Variants in CD1E observed in about 807,000 individuals in gnomAD.
The protein encoded by CD1E is CD1e molecule, also known as T-cell surface glycoprotein CD1e, membrane-associated.
Under a neutral mutation model 40.1 loss-of-function variants are expected in CD1E, and 49 were observed. The ratio of observed to expected loss-of-function variants is 1.22; its 90% CI spans 0.97 to 1.55. The LOEUF (loss-of-function observed/expected upper bound fraction) is 1.55, where lower values mean the gene tolerates loss of function less well. Ranked by LOEUF, CD1E falls within the 40% of genes most tolerant of loss-of-function variation. CD1E has a pLI of 0.00. For synonymous variants in CD1E, 189 were observed against 178.3 expected, an observed-to-expected ratio of 1.06 and a Z score of -0.48; for missense variants, 492 against 471.3, an observed-to-expected ratio of 1.04 and a Z score of -0.41.
In CD1E at chr1:158,356,965, G is replaced by A; in HGVS notation, c.*69G>A. The A allele has an allele frequency of 7.7e-7, 1 of 1,297,364 alleles. No individual in the cohort carries two copies. The highest frequency in any genetic ancestry group is 1.1e-6 in the Non-Finnish European group (1 of 900,038). 80.4% of individuals were successfully genotyped at this position (1,297,364 alleles called of 1,614,324 possible). A position where few individuals can be genotyped will look rare whatever the true frequency, so the allele number is the denominator to read the frequency against. On this transcript the variant is annotated 3_prime_UTR_variant, in exon 6 of 6. Coordinates refer to ENST00000368167, the MANE Select transcript of CD1E (RefSeq NM_030893.4). The stretch of plus-strand genomic sequence containing the variant: ...TAAACACCGTCCATGTCCCATAAGG[G>A]AAGCATGCTTTTATTTAAACAGTTT...
intron 4 of CD1E, 46 bp from the exon 5 acceptor site, chr1:158,356,452 G>T (rs748908282): frequency 4.4e-5 from 63 of 1,417,244 alleles, no homozygotes; most frequent in Non-Finnish European, 6.1e-5. Context: ...CAGCTTGGTG[G>T]AATAGAGTAT....
intron 3 of CD1E, 120 bp downstream of exon 3, chr1:158,355,689 T>G: frequency 1.4e-6 from 2 of 1,423,914 alleles, no homozygotes; most frequent in Non-Finnish European, 1.9e-6. Flanking sequence ...ATGTGTGGGT[T>G]CAGGACTGTT....
At chr1:158,354,785 C>A in intron 2 of CD1E, 112 bp downstream of exon 2, 2 of 900,160 alleles carry the variant, frequency 2.2e-6, no homozygotes, top group Non-Finnish European at 3.4e-6. Context: ...CCTTGTTCCC[C>A]ACTCTCTGAC....
chr1:158,354,081 A>G (rs770954870), intron 1 of CD1E, 35 bp downstream of exon 1: 1 of 1,552,918 alleles, frequency 6.4e-7, no homozygotes, highest in Non-Finnish European at 8.9e-7. Context: ...TACCTATGGT[A>G]GGGCACCAGA....
At position 158,355,989 on chromosome 1, in the gene CD1E, C is replaced by T. The variant is rs1427325807; in HGVS notation, c.788C>T (p.Ala263Val). The change falls in exon 4 of 6, where the codon GCT (alanine) becomes GTT (valine). Residue 263 changes from alanine (A) to valine (V), a missense_variant. Coordinates refer to ENST00000368167, the MANE Select transcript of CD1E (RefSeq NM_030893.4). ...CAGCGAGGGGACGTCCTGCCTAATG[C>T]TGACGAGACATGGTATCTCCGAGCA... is the stretch of plus-strand genomic sequence containing the variant. ...GTQRGDVLPN[A>V]DETWYLRATL... 2 of 1,614,148 alleles carry T rather than the reference C, an allele frequency of 1.2e-6. No homozygotes were observed. The highest frequency in any genetic ancestry group is 1.1e-5 in the South Asian group (1 of 91,084).
In CD1E at chr1:158,355,407, T is replaced by C. The variant is rs932287025; in HGVS notation, c.463T>C (p.Trp155Arg). 5.6e-6 allele frequency: 9 copies of C among 1,614,176 alleles called. No individual in the cohort carries two copies. The highest frequency in any genetic ancestry group is 6.8e-6 in the Non-Finnish European group (8 of 1,180,024). ...SDFLSFQGIS[W>R]EPSPGAGIRA... ...TTTCCTGAGTTTCCAAGGAATTTCC[T>C]GGGAGCCATCTCCAGGAGCAGGGAT... is the stretch of plus-strand genomic sequence containing the variant. The change falls in exon 3 of 6, where the codon TGG becomes CGG. Residue 155 changes from tryptophan to arginine, a missense_variant. Physicochemically the swap from Trp to Arg is moderately radical, Grantham distance 101 (BLOSUM62 -3). Transcript: ENST00000368167.
At chr1:158,355,151 A>G (rs36041664) in intron 2 of CD1E, 149 bp from the exon 3 acceptor site, 127 of 616,268 alleles carry the variant, frequency 2.1e-4, no homozygotes, top group Non-Finnish European at 2.9e-4. Context: ...TCTTCCCACA[A>G]ATTTTCTTCC....
chr1:158,355,948 G>A lies in CD1E; in HGVS notation c.747G>A (p.Gln249=), dbSNP rs150649106. 3.1e-6 allele frequency: 5 copies of A among 1,614,158 alleles called. No homozygotes were observed. The highest frequency in any genetic ancestry group is 4.2e-6 in the Non-Finnish European group (5 of 1,180,046). ...GGGTGATGTGGATGCGGGGTGAGCAGGAGCAGCGGGGCACTCAGCGAGGGG... is the reference window on the plus strand; with the variant it reads ...GGGTGATGTGGATGCGGGGTGAGCAAGAGCAGCGGGGCACTCAGCGAGGGG... ...PVWVMWMRGE[Q]EQRGTQRGDV... Residue 249 remains glutamine, a synonymous_variant, in exon 4 of 6, where the codon CAG becomes CAA. Coordinates refer to ENST00000368167, the MANE Select transcript of CD1E (RefSeq NM_030893.4).
At position 158,354,525 on chromosome 1, in the gene CD1E, T is replaced by G; in HGVS notation, c.207T>G (p.Thr69=). 1 of 1,614,154 alleles carries G rather than the reference T, an allele frequency of 6.2e-7. No individual in the cohort carries two copies. Among genetic ancestry groups the G allele is most frequent in the Non-Finnish European group, 8.5e-7 (1 of 1,180,036 alleles). ...ACCTGCAGACTCATGGCTGGGACACTGTCTTGGGCACCATCCGCTTTCTGA... is the reference window on the plus strand; with the variant it reads ...ACCTGCAGACTCATGGCTGGGACACGGTCTTGGGCACCATCCGCTTTCTGA... ...LGDLQTHGWD[T]VLGTIRFLKP... is the part of the protein sequence containing the mutation. Residue 69 remains threonine, a synonymous_variant, in exon 2 of 6, where the codon ACT becomes ACG. Transcript: ENST00000368167.
In CD1E at chr1:158,354,133, C is replaced by A. The variant is rs1653311904; in HGVS notation, c.58+87C>A. On this transcript the variant is annotated intron_variant, in intron 1 of 5. Coordinates refer to ENST00000368167, the MANE Select transcript of CD1E (RefSeq NM_030893.4). ...CTGGGGAGGTCCTGGGGGAAGGGAG[C>A]AGTACTCTTCTAGGATGCCCTTGGA... 4.3e-6 allele frequency: 5 copies of A among 1,169,808 alleles called. No homozygotes were observed. The Admixed American group carries it at 5.2e-5, about 12-fold the overall frequency. 72.5% of individuals were successfully genotyped at this position (1,169,808 alleles called of 1,614,324 possible).
At chr1:158,354,251 G>A (rs1653327837) in intron 1 of CD1E, 126 bp from the exon 2 acceptor site, 1 of 1,007,944 alleles carries the variant, frequency 9.9e-7, no homozygotes. Flanking sequence ...GGCCCCACAG[G>A]AAAAGGGTAT....
rs778192869 is a variant in CD1E at position 158,354,681 on chromosome 1, C to T, written c.355+8C>T. 27 of 1,607,156 alleles carry T rather than the reference C, an allele frequency of 1.7e-5. No homozygotes were observed. The highest frequency in any genetic ancestry group is 8.0e-5 in the African/African-American group (6 of 74,746). On this transcript the variant is annotated splice_region_variant and intron_variant, in intron 2 of 5. Transcript: ENST00000368167. ...GTCAATTTCAGCTTGAATGTAAGTTCGTTGCTCTAAGCTGATAATTTGCCT... is the reference window on the plus strand; with the variant it reads ...GTCAATTTCAGCTTGAATGTAAGTTTGTTGCTCTAAGCTGATAATTTGCCT...
chr1:158,356,066 C>T lies in CD1E; in HGVS notation c.865C>T (p.His289Tyr). 1.2e-6 allele frequency: 2 copies of T among 1,613,832 alleles called. No homozygotes were observed. Among genetic ancestry groups the T allele is most frequent in the South Asian group, 1.1e-5 (1 of 91,050 alleles). Reference sequence around the variant, plus strand: ...AGCTGGCCTGTCCTGTCGGGTGAAACACAGCAGTCTAGGGGGCCATGATCT... The same window carrying T: ...AGCTGGCCTGTCCTGTCGGGTGAAATACAGCAGTCTAGGGGGCCATGATCT... ...EAAGLSCRVK[H>Y]SSLGGHDLII... is the part of the protein sequence containing the mutation. The change falls in exon 4 of 6, where the codon CAC becomes TAC. Residue 289 changes from histidine (H) to tyrosine (Y), a missense_variant. Transcript: ENST00000368167.
rs1311524610 is a variant in CD1E, at chr1:158,354,674, G to A, written c.355+1G>A. On this transcript the variant is annotated splice_donor_variant, in intron 2 of 5. Transcript: ENST00000368167. LOFTEE classifies it high-confidence loss of function. ...TCTGCTGGTCAATTTCAGCTTGAAT[G>A]TAAGTTCGTTGCTCTAAGCTGATAA... 3 of 1,609,900 alleles carry A rather than the reference G, an allele frequency of 1.9e-6. No homozygotes were observed. The highest frequency in any genetic ancestry group is 2.2e-5 in the South Asian group (2 of 90,428).
chr1:158,356,876 C>T lies in CD1E; in HGVS notation c.1147C>T (p.Arg383Cys), dbSNP rs764381194. The T allele has an allele frequency of 6.3e-5, 102 of 1,613,792 alleles. No homozygotes were observed. Among genetic ancestry groups the T allele is most frequent in the East Asian group, 2.0e-4 (9 of 44,874 alleles). The change falls in exon 6 of 6, where the codon CGC becomes TGC. Residue 383 changes from arginine to cysteine, a missense_variant. Coordinates refer to ENST00000368167, the MANE Select transcript of CD1E (RefSeq NM_030893.4). ...CAGAGTATTGAAGAAGTGGAAGACACGCCTAAACCAACTCTGGTGACATTT... is the reference window on the plus strand; with the variant it reads ...CAGAGTATTGAAGAAGTGGAAGACATGCCTAAACCAACTCTGGTGACATTT... ...KNRVLKKWKT[R>C]LNQLW
chr1:158,356,660 T>TG, intron 5 of CD1E, 68 bp from the exon 6 acceptor site: 2 of 1,567,270 alleles, frequency 1.3e-6, no homozygotes, highest in Non-Finnish European at 1.7e-6. Flanking sequence ...CTATCTTCTT[T>TG]TTTTTTTTCT....
chr1:158,354,519 G>A lies in CD1E; in HGVS notation c.201G>A (p.Trp67Ter), dbSNP rs769217104. 1.9e-6 allele frequency: 3 copies of A among 1,614,062 alleles called. No individual in the cohort carries two copies. The highest frequency in any genetic ancestry group is 2.5e-6 in the Non-Finnish European group (3 of 1,180,034). ...TGGGTGACCTGCAGACTCATGGCTGGGACACTGTCTTGGGCACCATCCGCT... is the reference window on the plus strand; with the variant it reads ...TGGGTGACCTGCAGACTCATGGCTGAGACACTGTCTTGGGCACCATCCGCT... ...GWLGDLQTHG[W>*]DTVLGTIRFL... is the part of the protein sequence containing the mutation. The change falls in exon 2 of 6, where the codon TGG becomes TGA. Residue 67 changes from tryptophan to a stop codon, truncating the protein, a stop_gained. Transcript: ENST00000368167. LOFTEE classifies it high-confidence loss of function.
At chr1:158,356,191 G>A (rs1172304994) in intron 4 of CD1E, 86 bp downstream of exon 4, 1 of 1,478,296 alleles carries the variant, frequency 6.8e-7, no homozygotes, top group Non-Finnish European at 9.3e-7. Flanking sequence ...GGGTAGGAAT[G>A]CTAGGTACAA....
At chr1:158,356,216 G>A in intron 4 of CD1E, 111 bp downstream of exon 4, 1 of 1,264,590 alleles carries the variant, frequency 7.9e-7, no homozygotes, top group Non-Finnish European at 1.1e-6. Context: ...GGTAAAACTG[G>A]GACAATCAAA....
Sources: gnomAD v4.1 joint callset for allele counts on GRCh38, gnomAD v4.1.1 for gene constraint, MANE v1.5 for transcripts, NCBI Gene and HGNC (gene_info 2026-07-23, HGNC 2026-07-21) for gene names.